Variants in ARMC9 observed in about 807,000 individuals in gnomAD.
ARMC9 encodes lisH domain-containing protein ARMC9.
In ARMC9, 94 loss-of-function variants were observed where a neutral mutation model predicts 107.0. The observed-to-expected ratio is 0.88, with a 90% confidence interval of 0.74 to 1.04. The LOEUF is 1.04. ARMC9 is among the 50% of genes least tolerant of loss of function. The pLI is 0.00. For synonymous variants in ARMC9, 380 were observed against 396.9 expected, an observed-to-expected ratio of 0.96 and a Z score of 0.51; for missense variants, 942 against 1,030.1, an observed-to-expected ratio of 0.91 and a Z score of 1.17.
At chr2:231,221,197 G>C (rs150974738) in intron 5 of ARMC9, among the ~76,000 whole-genome samples, 1 of 152,128 alleles carries the variant, frequency 6.6e-6, no homozygotes. Context: ...TTGTAGCCAC[G>C]GGTGTTCTGT....
At chr2:231,303,909 C>G (rs1430557993) in intron 19 of ARMC9, among the ~76,000 whole-genome samples, 1 of 152,060 alleles carries the variant, frequency 6.6e-6, no homozygotes, top group Non-Finnish European at 1.5e-5. Flanking sequence ...GCACTCCAGA[C>G]TGGGCAACAG....
intron 9 of ARMC9, among the ~76,000 whole-genome samples, chr2:231,254,410 A>G (rs889673610): frequency 6.6e-6 from 1 of 152,222 alleles, no homozygotes; most frequent in African/African-American, 2.4e-5. Flanking sequence ...TCCAGTACTG[A>G]TAACGAAAAA....
At chr2:231,326,973 G>A (rs925986307) in intron 19 of ARMC9, among the ~76,000 whole-genome samples, 16 of 152,100 alleles carry the variant, frequency 1.1e-4, no homozygotes, top group Non-Finnish European at 1.0e-4. Context: ...ATGATGGCCT[G>A]CCCTCCCCCT....
Position 231,255,326 on chromosome 2 carries a change from T to G in ARMC9, c.880-1260T>G, listed in dbSNP as rs2037676654. 6.6e-6 allele frequency among the ~76,000 whole-genome samples: 1 copy of G among 152,206 alleles called. No individual in the cohort carries two copies. The highest frequency in any genetic ancestry group is 1.5e-5 in the Non-Finnish European group (1 of 68,036). ...TGGAAGAGGGGTTGTTAATGTTTTTTAAACACGTGTAGAAAATGTTTGACT... is the reference window on the plus strand; with the variant it reads ...TGGAAGAGGGGTTGTTAATGTTTTTGAAACACGTGTAGAAAATGTTTGACT... On this transcript the variant is annotated intron_variant, in intron 9 of 24. Transcript: ENST00000611582. This position sits in a 1 kb window ranked among gnomAD's most constrained non-coding sequence, Gnocchi z 4.7.
chr2:231,333,201 A>G (rs1010139343), intron 20 of ARMC9, among the ~76,000 whole-genome samples: 1 of 152,134 alleles, frequency 6.6e-6, no homozygotes, highest in African/African-American at 2.4e-5. Flanking sequence ...CAGGTTGGAG[A>G]GAGAGCCACA....
At chr2:231,223,798 G>A (rs998098633) in intron 6 of ARMC9, among the ~76,000 whole-genome samples, 15 of 152,072 alleles carry the variant, frequency 9.9e-5, no homozygotes, top group Admixed American at 2.0e-4. Flanking sequence ...TACAGCTCTC[G>A]TCTCTGCCTT....
At chr2:231,221,735 G>A (rs1402709869) in intron 5 of ARMC9, among the ~76,000 whole-genome samples, 1 of 151,156 alleles carries the variant, frequency 6.6e-6, no homozygotes, top group Non-Finnish European at 1.5e-5. Context: ...AGAGGCTGAG[G>A]CAGGAGAGTT....
intron 19 of ARMC9, among the ~76,000 whole-genome samples, chr2:231,300,804 G>A (rs2041674001): frequency 1.3e-5 from 2 of 152,136 alleles, no homozygotes; most frequent in Admixed American, 6.6e-5. Flanking sequence ...ATTCATAAAG[G>A]TGATAGACAC....
chr2:231,324,202 A>G (rs1284404879), intron 19 of ARMC9, among the ~76,000 whole-genome samples: 2 of 131,040 alleles, frequency 1.5e-5, no homozygotes, highest in Admixed American at 2.0e-4. Flanking sequence ...ATCTCGGCTC[A>G]CTGCAACCTC....
intron 21 of ARMC9, among the ~76,000 whole-genome samples, chr2:231,355,289 G>C (rs1273413934): frequency 6.6e-6 from 1 of 152,178 alleles, no homozygotes; most frequent in African/African-American, 2.4e-5. Context: ...CAAGTGAGCT[G>C]TGGTTGCACC....
chr2:231,311,912 A>G (rs1245406287), intron 19 of ARMC9, among the ~76,000 whole-genome samples: 4 of 152,052 alleles, frequency 2.6e-5, no homozygotes, highest in African/African-American at 4.8e-5. Flanking sequence ...CAAAGTGCAT[A>G]TACCTATGTA....
chr2:231,240,568 G>T (rs1343636352), intron 9 of ARMC9, among the ~76,000 whole-genome samples: 1 of 152,168 alleles, frequency 6.6e-6, no homozygotes, highest in African/African-American at 2.4e-5. Flanking sequence ...TGAACTATTT[G>T]AGGATAAATT....
intron 12 of ARMC9, among the ~76,000 whole-genome samples, chr2:231,266,837 A>G (rs1030749692): frequency 2.6e-4 from 40 of 152,218 alleles, no homozygotes; most frequent in African/African-American, 9.6e-4. Context: ...TTGCGTATCT[A>G]TCTCTTCCTC....
chr2:231,316,263 G>GT (rs1183699607), intron 19 of ARMC9, among the ~76,000 whole-genome samples: 58 of 143,898 alleles, frequency 4.0e-4, no homozygotes, highest in South Asian at 1.8e-3. Flanking sequence ...ATTCTGTTTT[G>GT]TTTTTTTTTT....
chr2:231,373,269 C>CT lies in ARMC9; in HGVS notation c.*1737dup, dbSNP rs1157738963. 1 of 152,210 alleles carries CT rather than the reference C, an allele frequency of 6.6e-6. No individual in the cohort carries two copies. Among genetic ancestry groups the CT allele is most frequent in the African/African-American group, 2.4e-5 (1 of 41,434 alleles). The allele number at this position is 152,210 out of a possible 1,614,324, so 9.4% of individuals were successfully genotyped here. A position where few individuals can be genotyped will look rare whatever the true frequency, so the allele number is the denominator to read the frequency against. On this transcript the variant is annotated 3_prime_UTR_variant, in exon 25 of 25. Coordinates refer to ENST00000611582, the MANE Select transcript of ARMC9 (RefSeq NM_001352754.2). This position sits in a 1 kb window ranked among gnomAD's most constrained non-coding sequence, Gnocchi z 4.4. ...AAAATGCAACTCCTCCGTGGTGAGACTTTGAAAAGGTGTAGAGTGGTTGCA... is the reference window on the plus strand; with the variant it reads ...AAAATGCAACTCCTCCGTGGTGAGACTTTTGAAAAGGTGTAGAGTGGTTGCA...
chr2:231,284,761 G>A (rs1045626392), intron 17 of ARMC9, among the ~76,000 whole-genome samples: 1 of 152,194 alleles, frequency 6.6e-6, no homozygotes, highest in Non-Finnish European at 1.5e-5. Flanking sequence ...ACTACCAGGA[G>A]GTGGAATCAC....
intron 17 of ARMC9, among the ~76,000 whole-genome samples, chr2:231,282,456 G>T (rs1049659280): frequency 6.6e-6 from 1 of 152,192 alleles, no homozygotes; most frequent in Non-Finnish European, 1.5e-5. Context: ...GACTTGGTTT[G>T]GTTGGTAAAT....
At chr2:231,267,895 A>G (rs2038991406) in intron 12 of ARMC9, among the ~76,000 whole-genome samples, 2 of 152,190 alleles carry the variant, frequency 1.3e-5, no homozygotes, top group Non-Finnish European at 2.9e-5. Context: ...ACGTGCCCAT[A>G]TGTTCACTAA....
At chr2:231,352,104 C>T (rs2045108350) in intron 21 of ARMC9, among the ~76,000 whole-genome samples, 1 of 151,616 alleles carries the variant, frequency 6.6e-6, no homozygotes, top group Non-Finnish European at 1.5e-5. Flanking sequence ...GCAGCTGGGA[C>T]CACAGGCATG....
Sources: gnomAD v4.1 joint callset for allele counts (sites outside exome capture counted in the v4.1 genomes callset) on GRCh38, gnomAD v4.1.1 for gene constraint, Gnocchi (gnomAD v3.1) non-coding constraint, MANE v1.5 for transcripts, NCBI Gene and HGNC (gene_info 2026-07-23, HGNC 2026-07-21) for gene names.